Variants in CGGBP1 observed in about 807,000 individuals in gnomAD.
CGGBP1 encodes the protein CGG triplet repeat binding protein 1, also known as CGG triplet repeat-binding protein 1.
A neutral mutation model predicts 11.4 loss-of-function variants in CGGBP1; 4 were observed. That is an observed-to-expected ratio of 0.35 (90% CI 0.17 to 0.80). The LOEUF (loss-of-function observed/expected upper bound fraction) is 0.80. Among genes scored for constraint, CGGBP1 ranks in the 30% least tolerant of loss-of-function variants. CGGBP1 has a pLI of 0.52. For synonymous variants in CGGBP1, 76 were observed against 74.1 expected, an observed-to-expected ratio of 1.03 and a Z score of -0.13; for missense variants, 135 against 202.1, an observed-to-expected ratio of 0.67 and a Z score of 2.01.
chr3:88,065,981 A>G (rs1475175383), intron 2 of CGGBP1, among the ~76,000 whole-genome samples: 4 of 152,136 alleles, frequency 2.6e-5, no homozygotes, highest in Non-Finnish European at 4.4e-5. Flanking sequence ...CGAGTCACCC[A>G]CTGTGGCCTC....
chr3:88,113,075 C>A, intron 2 of CGGBP1: 2 of 1,331,666 alleles, frequency 1.5e-6, no homozygotes, highest in Non-Finnish European at 2.1e-6. Context: ...TGGAGCAAAA[C>A]TCAAAGAAGC....
intron 2 of CGGBP1, among the ~76,000 whole-genome samples, chr3:88,114,183 AT>A (rs1705256201): frequency 6.6e-6 from 1 of 152,172 alleles, no homozygotes; most frequent in African/African-American, 2.4e-5. Context: ...TCAAACCTTT[AT>A]AAATGAAAAA....
At chr3:88,057,714 A>G (rs1239743458) in intron 2 of CGGBP1, 1 of 152,236 alleles carries the variant, frequency 6.6e-6, no homozygotes. Context: ...TTCAAAAACA[A>G]TAAGCATGTA....
intron 2 of CGGBP1, chr3:88,086,250 C>T: frequency 1.3e-6 from 2 of 1,531,304 alleles, no homozygotes; most frequent in Non-Finnish European, 1.7e-6. Flanking sequence ...GATTGCTTCT[C>T]TGTCAGGTGG....
chr3:88,067,847 G>T (rs898293829), intron 2 of CGGBP1, among the ~76,000 whole-genome samples: 7 of 151,916 alleles, frequency 4.6e-5, no homozygotes, highest in African/African-American at 1.5e-4. Context: ...GGTGGTAACT[G>T]GAGGCATTGT....
chr3:88,116,283 G>A (rs1384734138), intron 2 of CGGBP1, among the ~76,000 whole-genome samples: 1 of 152,102 alleles, frequency 6.6e-6, no homozygotes, highest in East Asian at 1.9e-4. Context: ...CACTTTGGGA[G>A]GCCGAGGCGG....
chr3:88,143,853 A>G (rs533241869), intron 1 of CGGBP1: 9 of 152,068 alleles, frequency 5.9e-5, no homozygotes, highest in African/African-American at 1.9e-4. Flanking sequence ...TCAAATAGCT[A>G]TTGAAAGAAT....
Position 88,055,987 on chromosome 3 carries a change from A to C in CGGBP1, c.-11T>G. ...TACAAATCGCTCCATTCTGACTCTAAATAAATATGGTTCTTTCAAGACAAA... is the reference window on the plus strand; with the variant it reads ...TACAAATCGCTCCATTCTGACTCTACATAAATATGGTTCTTTCAAGACAAA... On this transcript the variant is annotated 5_prime_UTR_variant, in exon 4 of 4. In the 5' UTR this introduces an upstream ATG that the reference lacks. Transcript: ENST00000482016. This position sits in a 1 kb window ranked among gnomAD's most constrained non-coding sequence, Gnocchi z 4.2. 3.2e-6 allele frequency: 5 copies of C among 1,586,778 alleles called. No homozygotes were observed. Among genetic ancestry groups the C allele is most frequent in the Non-Finnish European group, 4.3e-6 (5 of 1,166,580 alleles).
chr3:88,081,240 T>G (rs1458338589), intron 2 of CGGBP1, among the ~76,000 whole-genome samples: 1 of 152,214 alleles, frequency 6.6e-6, no homozygotes, highest in East Asian at 1.9e-4. Context: ...GATGATAATG[T>G]ATTTTATTAT....
At chr3:88,099,334 A>G (rs951477077) in intron 2 of CGGBP1, among the ~76,000 whole-genome samples, 3 of 152,238 alleles carry the variant, frequency 2.0e-5, no homozygotes, top group African/African-American at 7.2e-5. Flanking sequence ...AGAGGTCACA[A>G]ACAAATGGAA....
At chr3:88,080,028 T>TC (rs1357769702) in intron 2 of CGGBP1, among the ~76,000 whole-genome samples, 1 of 152,058 alleles carries the variant, frequency 6.6e-6, no homozygotes, top group Non-Finnish European at 1.5e-5. Flanking sequence ...GACAAGTGAC[T>TC]CTTTTTTTTT....
chr3:88,108,483 C>G (rs1456744298), intron 2 of CGGBP1, among the ~76,000 whole-genome samples: 2 of 152,166 alleles, frequency 1.3e-5, no homozygotes, highest in African/African-American at 4.8e-5. Context: ...TACCCATAGT[C>G]AACCATGGTC....
chr3:88,087,649 T>C (rs1199973626), intron 2 of CGGBP1, among the ~76,000 whole-genome samples: 1 of 152,192 alleles, frequency 6.6e-6, no homozygotes, highest in Admixed American at 6.5e-5. Flanking sequence ...ATACCTCAAA[T>C]TGTACTCACA....
intron 2 of CGGBP1, among the ~76,000 whole-genome samples, chr3:88,124,564 T>A (rs1396076846): frequency 6.6e-6 from 1 of 152,220 alleles, no homozygotes; most frequent in Non-Finnish European, 1.5e-5. Flanking sequence ...TATGAAAGAA[T>A]ATGACAGTTT....
intron 2 of CGGBP1, among the ~76,000 whole-genome samples, chr3:88,132,549 C>T (rs1217401053): frequency 1.3e-5 from 2 of 152,094 alleles, no homozygotes; most frequent in Non-Finnish European, 2.9e-5. Flanking sequence ...ACCTCAGATC[C>T]CATGTTTTAA....
intron 2 of CGGBP1, chr3:88,112,965 C>T (rs1159794174): frequency 5.6e-6 from 3 of 532,908 alleles, no homozygotes; most frequent in African/African-American, 2.0e-5. Context: ...TTACAGAAAA[C>T]ATAATATGAA....
intron 1 of CGGBP1, among the ~76,000 whole-genome samples, chr3:88,147,478 G>A (rs1291921633): frequency 6.6e-6 from 1 of 152,148 alleles, no homozygotes; most frequent in Non-Finnish European, 1.5e-5. Flanking sequence ...AGTCTGGAGA[G>A]ATTGACAGAA....
chr3:88,133,459 G>C (rs142284859), intron 2 of CGGBP1, among the ~76,000 whole-genome samples: 1 of 152,202 alleles, frequency 6.6e-6, no homozygotes, highest in African/African-American at 2.4e-5. Flanking sequence ...CATGAAATCA[G>C]TAAGAGGGAT....
intron 2 of CGGBP1, among the ~76,000 whole-genome samples, chr3:88,082,475 CTTAATA>C (rs1342386839): frequency 4.6e-5 from 7 of 152,148 alleles, no homozygotes; most frequent in Non-Finnish European, 7.4e-5. Flanking sequence ...AAATGATGAA[CTTAATA>C]TTAGTGAACA....
Sources: gnomAD v4.1 joint callset for allele counts (sites outside exome capture counted in the v4.1 genomes callset) on GRCh38, gnomAD v4.1.1 for gene constraint, Gnocchi (gnomAD v3.1) non-coding constraint, MANE v1.5 for transcripts, NCBI Gene and HGNC (gene_info 2026-07-23, HGNC 2026-07-21) for gene names.